The following XKR9 variants were observed in gnomAD, a reference collection of about 807,000 sequenced individuals.
The protein encoded by XKR9 is XK related 9.
In XKR9, 32 loss-of-function variants were observed where a neutral mutation model predicts 32.0. That is an observed-to-expected ratio of 1.00 (90% confidence interval 0.76 to 1.34). XKR9 has a LOEUF of 1.34. XKR9 is among the 40% of genes most tolerant of loss of function. The pLI is 0.00. For missense variants in XKR9, 546 were observed against 429.7 expected (o/e 1.27, Z -2.39); for synonymous variants, 168 against 143.4 (o/e 1.17, Z -1.22).
intron 4 of XKR9, among the ~76,000 whole-genome samples, chr8:70,730,657 A>T (rs1806633387): frequency 6.6e-6 from 1 of 152,160 alleles, no homozygotes; most frequent in Non-Finnish European, 1.5e-5. Flanking sequence ...CTCAGAAGCG[A>T]TTGTTGAGGG....
At chr8:70,830,949 C>G in the XKR9 span, among the ~76,000 whole-genome samples, 3 of 152,132 alleles carry the variant, frequency 2.0e-5, no homozygotes, top group Non-Finnish European at 4.4e-5. Flanking sequence ...ACTACCTAGT[C>G]TTTTTGTGTT....
downstream of XKR9, among the ~76,000 whole-genome samples, chr8:70,794,011 A>C (rs1225440976): frequency 6.6e-6 from 1 of 152,070 alleles, no homozygotes; most frequent in African/African-American, 2.4e-5. Flanking sequence ...AAATAAAAGC[A>C]GAGATATTTA....
chr8:70,821,285 G>C, the XKR9 span, among the ~76,000 whole-genome samples: 1 of 152,220 alleles, frequency 6.6e-6, no homozygotes, highest in Non-Finnish European at 1.5e-5. Context: ...GCAAGAGGTG[G>C]GCTACCATGG....
At chr8:70,805,509 C>A in the XKR9 span, among the ~76,000 whole-genome samples, 1 of 152,154 alleles carries the variant, frequency 6.6e-6, no homozygotes, top group African/African-American at 2.4e-5. Flanking sequence ...ACGCTAAGCT[C>A]CCTGGGTGGG....
chr8:70,736,540 C>T (rs1433260575), downstream of XKR9, among the ~76,000 whole-genome samples: 1 of 152,134 alleles, frequency 6.6e-6, no homozygotes, highest in African/African-American at 2.4e-5. Flanking sequence ...GAATTCTGTG[C>T]CCATGCCTAT....
the XKR9 span, among the ~76,000 whole-genome samples, chr8:70,899,483 T>C: frequency 6.6e-6 from 1 of 152,008 alleles, no homozygotes; most frequent in Non-Finnish European, 1.5e-5. Flanking sequence ...CTGCTCAATT[T>C]TGCATGGGGA....
intron 4 of XKR9, among the ~76,000 whole-genome samples, chr8:70,724,288 T>G (rs1487269337): frequency 6.6e-6 from 1 of 152,150 alleles, no homozygotes; most frequent in Non-Finnish European, 1.5e-5. Context: ...CAGCGAGAAT[T>G]TCAAGTCAGT....
At chr8:70,929,196 T>A in the XKR9 span, among the ~76,000 whole-genome samples, 2 of 152,204 alleles carry the variant, frequency 1.3e-5, no homozygotes, top group Non-Finnish European at 2.9e-5. Flanking sequence ...GTCATGGTGA[T>A]GGAAAAGTTC....
the XKR9 span, among the ~76,000 whole-genome samples, chr8:70,837,034 G>A: frequency 6.6e-6 from 1 of 152,076 alleles, no homozygotes; most frequent in Non-Finnish European, 1.5e-5. Flanking sequence ...AGGTTCTAGA[G>A]CCTGAATGGT....
At chr8:70,866,651 T>C in the XKR9 span, among the ~76,000 whole-genome samples, 7 of 151,772 alleles carry the variant, frequency 4.6e-5, no homozygotes, top group South Asian at 1.5e-3. Context: ...GCCTGGCTAA[T>C]TTTTTTGAAT....
the XKR9 span, among the ~76,000 whole-genome samples, chr8:70,903,847 C>G: frequency 1.2e-4 from 18 of 151,968 alleles, no homozygotes; most frequent in Non-Finnish European, 1.8e-4. Flanking sequence ...TGTCTTTGTT[C>G]TCGTTGGTTT....
At chr8:71,020,680 G>A in the XKR9 span, among the ~76,000 whole-genome samples, 391 of 152,232 alleles carry the variant, frequency 2.6e-3, 5 homozygotes, top group African/African-American at 9.0e-3. Context: ...GTAGTATTTT[G>A]TTATATAATT....
the XKR9 span, among the ~76,000 whole-genome samples, chr8:70,911,176 T>C: frequency 6.6e-6 from 1 of 152,218 alleles, no homozygotes; most frequent in Non-Finnish European, 1.5e-5. Flanking sequence ...AACCAGGGGA[T>C]GGGAATCTTG....
chr8:70,892,514 T>G, the XKR9 span, among the ~76,000 whole-genome samples: 21 of 152,298 alleles, frequency 1.4e-4, no homozygotes, highest in Admixed American at 9.2e-4. Flanking sequence ...GCATTTCTTA[T>G]AGGGCTGGTC....
At chr8:70,980,183 G>A in the XKR9 span, among the ~76,000 whole-genome samples, 7 of 152,200 alleles carry the variant, frequency 4.6e-5, no homozygotes, top group Admixed American at 3.3e-4. Context: ...TCCCTTGGCT[G>A]GGAAAGGGAA....
At chr8:70,964,096 G>A in the XKR9 span, among the ~76,000 whole-genome samples, 1 of 151,990 alleles carries the variant, frequency 6.6e-6, no homozygotes, top group Non-Finnish European at 1.5e-5. Context: ...TTACAGTCTT[G>A]GGTTTTACAT....
the XKR9 span, among the ~76,000 whole-genome samples, chr8:70,911,056 C>G: frequency 6.6e-6 from 1 of 152,176 alleles, no homozygotes; most frequent in Non-Finnish European, 1.5e-5. Flanking sequence ...ATTGGGCACA[C>G]CTGTATAATC....
chr8:71,011,592 G>A, the XKR9 span, among the ~76,000 whole-genome samples: 8 of 152,162 alleles, frequency 5.3e-5, no homozygotes, highest in Non-Finnish European at 1.0e-4. Flanking sequence ...GCTATAAAAA[G>A]TACTGAACCT....
At chr8:70,834,648 AC>A in the XKR9 span, among the ~76,000 whole-genome samples, 1 of 152,166 alleles carries the variant, frequency 6.6e-6, no homozygotes, top group African/African-American at 2.4e-5. Context: ...TATTTTAACT[AC>A]CAGAAGAAGG....
Sources: gnomAD v4.1 joint callset for allele counts (sites outside exome capture counted in the v4.1 genomes callset) on GRCh38, gnomAD v4.1.1 for gene constraint, MANE v1.5 for transcripts, NCBI Gene and HGNC (gene_info 2026-07-23, HGNC 2026-07-21) for gene names.